The following AFF3 variants were observed in gnomAD, a reference collection of about 807,000 sequenced individuals.
AFF3 encodes the protein AF4/FMR2 family member 3.
A neutral mutation model predicts 129.7 loss-of-function variants in AFF3; 32 were observed. The ratio of observed to expected loss-of-function variants is 0.25; its 90% CI spans 0.19 to 0.33. The LOEUF is 0.33. Ranked by LOEUF, AFF3 falls within the 10% of genes least tolerant of loss-of-function variation. The probability of loss-of-function intolerance (pLI) is 1.00; values close to 1 mark genes in which losing one functional copy is unlikely to be tolerated. For missense variants in AFF3, 1,373 were observed against 1,592.0 expected, an observed-to-expected ratio of 0.86 and a Z score of 2.34; for synonymous variants, 644 against 635.4, an observed-to-expected ratio of 1.01 and a Z score of -0.20.
At chr2:99,947,415 C>A (rs1675673992) in intron 7 of AFF3, among the ~76,000 whole-genome samples, 1 of 151,552 alleles carries the variant, frequency 6.6e-6, no homozygotes, top group Admixed American at 6.6e-5. Flanking sequence ...TGCACTCCAG[C>A]CTGGGAGACA....
At chr2:99,672,097 A>G (rs1296831976) in intron 12 of AFF3, among the ~76,000 whole-genome samples, 1 of 151,724 alleles carries the variant, frequency 6.6e-6, no homozygotes, top group Non-Finnish European at 1.5e-5. Context: ...AGACTTCTCA[A>G]TATTTAATGT....
chr2:99,962,164 G>A (rs1310277489), intron 7 of AFF3, among the ~76,000 whole-genome samples: 1 of 152,158 alleles, frequency 6.6e-6, no homozygotes, highest in Non-Finnish European at 1.5e-5. Flanking sequence ...TAATGCAGTA[G>A]GGAACCTGGC....
chr2:99,831,418 C>T (rs531749962), intron 8 of AFF3, among the ~76,000 whole-genome samples: 1 of 152,258 alleles, frequency 6.6e-6, no homozygotes, highest in East Asian at 1.9e-4. Context: ...TAACAAATGA[C>T]ATAAACCAGG....
At chr2:100,081,460 T>C (rs1172039668) in intron 4 of AFF3, among the ~76,000 whole-genome samples, 9 of 151,876 alleles carry the variant, frequency 5.9e-5, no homozygotes. Context: ...AGTGACCACC[T>C]GCTCACCCAG....
At chr2:99,841,194 G>A (rs1255315407) in intron 7 of AFF3, among the ~76,000 whole-genome samples, 2 of 152,150 alleles carry the variant, frequency 1.3e-5, no homozygotes, top group African/African-American at 2.4e-5. Context: ...TAAATGACAG[G>A]TTGCTTTTAT....
At chr2:100,065,226 T>C (rs1257568963) in intron 4 of AFF3, among the ~76,000 whole-genome samples, 1 of 152,212 alleles carries the variant, frequency 6.6e-6, no homozygotes, top group Non-Finnish European at 1.5e-5. Context: ...AAAAGTCATA[T>C]AAAAAGCAAT....
At chr2:99,941,289 T>C (rs1340525698) in intron 7 of AFF3, among the ~76,000 whole-genome samples, 2 of 152,152 alleles carry the variant, frequency 1.3e-5, no homozygotes, top group Non-Finnish European at 2.9e-5. Flanking sequence ...CAGCAGGGAT[T>C]CTTTAGAGGA....
chr2:99,931,820 A>G (rs796132359), intron 7 of AFF3, among the ~76,000 whole-genome samples: 5 of 152,294 alleles, frequency 3.3e-5, no homozygotes, highest in African/African-American at 1.2e-4. Flanking sequence ...GAGGCACAAG[A>G]ATCACTTGAA....
intron 4 of AFF3, among the ~76,000 whole-genome samples, chr2:100,053,269 ATTC>A (rs1173681367): frequency 1.3e-5 from 2 of 152,326 alleles, no homozygotes; most frequent in African/African-American, 4.8e-5. Context: ...GGAATTTCAA[ATTC>A]TGCTGTTTGA....
chr2:100,119,053 C>T (rs1315226772), intron 2 of AFF3, among the ~76,000 whole-genome samples: 4 of 152,204 alleles, frequency 2.6e-5, no homozygotes, highest in African/African-American at 4.8e-5. Context: ...CCGCACACCT[C>T]GGCCCCCCGA....
At chr2:99,710,884 C>T (rs1161796760) in intron 11 of AFF3, among the ~76,000 whole-genome samples, 1 of 152,180 alleles carries the variant, frequency 6.6e-6, no homozygotes, top group Non-Finnish European at 1.5e-5. Flanking sequence ...CAGCAGAAGG[C>T]CCTCTGAGGT....
At chr2:99,622,232 T>C (rs2105313903) in intron 13 of AFF3, among the ~76,000 whole-genome samples, 1 of 152,284 alleles carries the variant, frequency 6.6e-6, no homozygotes, top group East Asian at 1.9e-4. Flanking sequence ...TCATTCTGAA[T>C]GCACTGCAGA....
chr2:100,009,526 T>C (rs1188345880), intron 4 of AFF3, among the ~76,000 whole-genome samples: 1 of 152,076 alleles, frequency 6.6e-6, no homozygotes. Context: ...CTATCACTCC[T>C]CCTAACTATG....
intron 14 of AFF3, among the ~76,000 whole-genome samples, chr2:99,600,855 T>C (rs1016291078): frequency 5.3e-5 from 8 of 151,576 alleles, no homozygotes; most frequent in Non-Finnish European, 1.0e-4. Context: ...ATCTTCCACA[T>C]AGATACTCAT....
chr2:100,015,579 C>T lies in AFF3; in HGVS notation c.54-6647G>A, dbSNP rs1364799912. Among the ~76,000 whole-genome samples, 3 of 152,314 alleles carry T rather than the reference C, an allele frequency of 2.0e-5. No individual in the cohort carries two copies. In the East Asian group the frequency reaches 5.8e-4, roughly 29 times the overall value. ...AAATTTAATGAGTCAAACTAATTAA[C>T]ATCTCTTGTTATTTATAAAGCAAAT... On this transcript the variant is annotated intron_variant, in intron 4 of 24. Coordinates refer to ENST00000672756, the MANE Select transcript of AFF3 (RefSeq NM_001386135.1).
intron 11 of AFF3, 84 bp from the exon 12 acceptor site, chr2:99,672,673 G>A: frequency 7.8e-7 from 1 of 1,282,188 alleles, no homozygotes; most frequent in East Asian, 2.4e-5. Flanking sequence ...TCACCTTAAT[G>A]TTGTTATTAG....
chr2:99,803,930 C>T (rs1180400034), intron 8 of AFF3, among the ~76,000 whole-genome samples: 1 of 152,156 alleles, frequency 6.6e-6, no homozygotes, highest in Admixed American at 6.5e-5. Context: ...CAAAAATCAA[C>T]TCCAGACGGA....
intron 7 of AFF3, among the ~76,000 whole-genome samples, chr2:99,941,756 C>T (rs1050302580): frequency 6.6e-6 from 1 of 152,176 alleles, no homozygotes; most frequent in Non-Finnish European, 1.5e-5. Context: ...GCTGGAGCCA[C>T]AGTATCTTGT....
chr2:99,756,508 G>C (rs956367086), intron 8 of AFF3, among the ~76,000 whole-genome samples: 1 of 152,206 alleles, frequency 6.6e-6, no homozygotes, highest in African/African-American at 2.4e-5. Flanking sequence ...GACTGGAAGA[G>C]GCATGAGTTC....
Sources: gnomAD v4.1 joint callset for allele counts (sites outside exome capture counted in the v4.1 genomes callset) on GRCh38, gnomAD v4.1.1 for gene constraint, MANE v1.5 for transcripts, NCBI Gene and HGNC (gene_info 2026-07-23, HGNC 2026-07-21) for gene names.